Variants in PCDHA3 observed in about 807,000 individuals in gnomAD.
PCDHA3 encodes protocadherin alpha-3.
Under a neutral mutation model 62.2 loss-of-function variants are expected in PCDHA3, and 41 were observed. That is an observed-to-expected ratio of 0.66 (90% CI 0.51 to 0.86). The LOEUF (loss-of-function observed/expected upper bound fraction) is 0.86. PCDHA3 is among the 40% of genes least tolerant of loss of function. The probability of loss-of-function intolerance (pLI) is 0.00; values close to 1 mark genes in which losing one functional copy is unlikely to be tolerated. For missense variants in PCDHA3, 1,304 were observed against 1,241.2 expected, an observed-to-expected ratio of 1.05 and a Z score of -0.76; for synonymous variants, 640 against 555.4, an observed-to-expected ratio of 1.15 and a Z score of -2.14.
Position 140,845,550 on chromosome 5 carries a change from G to A in PCDHA3, c.2394+41959G>A, listed in dbSNP as rs185907796. Among the ~76,000 whole-genome samples, 15 of 149,478 alleles carry A rather than the reference G, an allele frequency of 1.0e-4. 1 individual carries two copies. Among genetic ancestry groups the A allele is most frequent in the Non-Finnish European group, 1.3e-4 (9 of 66,770 alleles). On this transcript the variant is annotated intron_variant, in intron 1 of 3. Coordinates refer to ENST00000522353, the MANE Select transcript of PCDHA3 (RefSeq NM_018906.3). ...TTTTCACTATTCTAATTATGGTGAT[G>A]CTTTTAGCTATTAAGAATTTCTGGG...
At chr5:140,824,256 C>A (rs1554129826) in intron 1 of PCDHA3, 2 of 1,360,236 alleles carry the variant, frequency 1.5e-6, no homozygotes, top group Non-Finnish European at 2.1e-6. Context: ...ACAATTATTG[C>A]ACTAATTCAT....
At chr5:140,858,604 A>AT (rs2045515312) in intron 1 of PCDHA3, 6 of 1,276,560 alleles carry the variant, frequency 4.7e-6, no homozygotes, top group Non-Finnish European at 4.3e-6. Context: ...GAGTTTTAAA[A>AT]TTTTTTTATC....
At chr5:140,817,315 G>C (rs1016861865) in intron 1 of PCDHA3, 2 of 152,230 alleles carry the variant, frequency 1.3e-5, no homozygotes, top group African/African-American at 4.8e-5. Flanking sequence ...CCCCAGAAAA[G>C]TGCCCAGCTA....
Position 140,843,501 on chromosome 5 carries a change from C to T in PCDHA3, c.2394+39910C>T, listed in dbSNP as rs2150361276. The stretch of plus-strand genomic sequence containing the variant: ...ACTGCGCTGCGGTGCTCAGCACTGC[C>T]CACTGAGGGCGGGTGCCGGGCGGGC... On this transcript the variant is annotated intron_variant, in intron 1 of 3. Coordinates refer to ENST00000522353, the MANE Select transcript of PCDHA3 (RefSeq NM_018906.3). 8.1e-6 allele frequency: 13 copies of T among 1,595,862 alleles called. 1 individual carries two copies. Among genetic ancestry groups the T allele is most frequent in the East Asian group, 2.2e-5 (1 of 44,830 alleles).
At chr5:140,929,153 A>T in intron 1 of PCDHA3, 1 of 1,614,164 alleles carries the variant, frequency 6.2e-7, no homozygotes, top group African/African-American at 1.3e-5. Context: ...TCTCAGACTT[A>T]TCTCTATCGG....
At chr5:140,831,548 A>G in intron 1 of PCDHA3, among the ~76,000 whole-genome samples, 1 of 127,154 alleles carries the variant, frequency 7.9e-6, no homozygotes, top group Non-Finnish European at 1.6e-5. Flanking sequence ...TTTTTTTAAG[A>G]GATGGGGTTT....
chr5:141,000,912 A>G (rs1434885581), intron 3 of PCDHA3, among the ~76,000 whole-genome samples: 1 of 152,194 alleles, frequency 6.6e-6, no homozygotes, highest in East Asian at 1.9e-4. Context: ...TGTCTCTAAA[A>G]AAAAAAATCC....
chr5:140,889,679 C>A (rs968181758), intron 1 of PCDHA3, among the ~76,000 whole-genome samples: 4 of 152,026 alleles, frequency 2.6e-5, no homozygotes, highest in Admixed American at 6.6e-5. Flanking sequence ...TTATTTTAAA[C>A]CTTTTAGTAT....
At chr5:140,845,610 G>A (rs1779953371) in intron 1 of PCDHA3, among the ~76,000 whole-genome samples, 1 of 149,452 alleles carries the variant, frequency 6.7e-6, no homozygotes, top group Non-Finnish European at 1.5e-5. Context: ...ATTAAGTATT[G>A]TGGATTCTGA....
chr5:140,967,130 G>A (rs1554229204), intron 1 of PCDHA3: 1 of 1,612,184 alleles, frequency 6.2e-7, no homozygotes, highest in East Asian at 2.2e-5. Flanking sequence ...GCTCAGCTTG[G>A]AAGTGCTGGC....
At chr5:140,910,891 C>T (rs1273456408) in intron 1 of PCDHA3, among the ~76,000 whole-genome samples, 1 of 152,176 alleles carries the variant, frequency 6.6e-6, no homozygotes, top group Admixed American at 6.5e-5. Context: ...ATATCCATTC[C>T]TATGCCTGTC....
intron 1 of PCDHA3, among the ~76,000 whole-genome samples, chr5:140,909,116 T>C (rs1273091505): frequency 6.6e-6 from 1 of 152,182 alleles, no homozygotes; most frequent in African/African-American, 2.4e-5. Context: ...ATCAGCAAAA[T>C]GTCATCAAGG....
At chr5:140,952,261 C>T (rs246037) in intron 1 of PCDHA3, among the ~76,000 whole-genome samples, 85,112 of 150,858 alleles carry the variant, frequency 0.56, 24,616 homozygotes, top group African/African-American at 0.69. Flanking sequence ...GATTCCCATT[C>T]TGGGGTCTTG....
chr5:140,979,585 G>T (rs1486792990), intron 2 of PCDHA3, among the ~76,000 whole-genome samples: 1 of 152,156 alleles, frequency 6.6e-6, no homozygotes, highest in Non-Finnish European at 1.5e-5. Context: ...TCCAAATCTA[G>T]CTTACTTTAA....
At chr5:140,857,462 C>T (rs782280236) in intron 1 of PCDHA3, 2 of 1,598,496 alleles carry the variant, frequency 1.3e-6, no homozygotes. Context: ...GCCAGGCTGC[C>T]ACATCTTCAC....
intron 1 of PCDHA3, chr5:140,857,571 C>A (rs782707848): frequency 7.5e-6 from 12 of 1,596,630 alleles, no homozygotes; most frequent in Non-Finnish European, 9.4e-6. Flanking sequence ...AGCTACGTGT[C>A]GGTGCACGCG....
At chr5:140,850,229 C>A (rs2150474580) in intron 1 of PCDHA3, 3 of 1,593,694 alleles carry the variant, frequency 1.9e-6, no homozygotes, top group African/African-American at 2.7e-5. Flanking sequence ...GCGCAGTGAG[C>A]GAGATGGTGC....
chr5:140,841,461 G>A, intron 1 of PCDHA3: 2 of 1,612,908 alleles, frequency 1.2e-6, no homozygotes, highest in Non-Finnish European at 1.7e-6. Flanking sequence ...TTCGTGGGCC[G>A]GATCGCGCAG....
intron 1 of PCDHA3, chr5:140,877,311 G>T: frequency 6.2e-7 from 1 of 1,613,970 alleles, no homozygotes. Flanking sequence ...AGTTGCAACC[G>T]GCGGCGGTCG....
Sources: allele counts gnomAD v4.1 joint callset (sites outside exome capture counted in the v4.1 genomes callset), GRCh38; gene constraint gnomAD v4.1.1; transcripts MANE v1.5; gene names NCBI Gene and HGNC (gene_info 2026-07-23, HGNC 2026-07-21).